The following UNC13C variants were observed in gnomAD, a reference collection of about 807,000 sequenced individuals.
UNC13C encodes unc-13 homolog C, also known as protein unc-13 homolog C.
In UNC13C, 174 loss-of-function variants were observed where a neutral mutation model predicts 245.4. The observed-to-expected ratio is 0.71, with a 90% CI of 0.63 to 0.80. UNC13C has a LOEUF of 0.80. Among genes scored for constraint, UNC13C ranks in the 30% least tolerant of loss-of-function variants. The probability of loss-of-function intolerance (pLI) is 0.00; values close to 1 mark genes in which losing one functional copy is unlikely to be tolerated. For missense variants in UNC13C, 2,829 were observed against 2,602.9 expected (o/e 1.09, Z -1.89); for synonymous variants, 992 against 895.1 (o/e 1.11, Z -1.93).
Position 54,015,176 on chromosome 15 carries a change from T to C in UNC13C, c.2273T>C (p.Met758Thr). ...TACCAAAATCAAAACCAGTTGTCCA[T>C]GATGTATCGAAGTCAAAGTGAATTG... The part of the protein sequence containing the change: ...ELYQNQNQLS[M>T]MYRSQSELQS... Residue 758 changes from methionine to threonine, a missense_variant, in exon 2 of 33, where the codon ATG becomes ACG. Transcript: ENST00000260323. 6.2e-7 allele frequency: 1 copy of C among 1,612,814 alleles called. No individual in the cohort carries two copies. Among genetic ancestry groups the C allele is most frequent in the South Asian group, 1.1e-5 (1 of 90,848 alleles).
intron 17 of UNC13C, among the ~76,000 whole-genome samples, chr15:54,392,829 T>A (rs2039985926): frequency 6.6e-6 from 1 of 151,864 alleles, no homozygotes; most frequent in Admixed American, 6.6e-5. Context: ...AAACCAATAT[T>A]TAAAAAGTGA....
At chr15:54,459,220 C>T (rs764880028) in intron 19 of UNC13C, among the ~76,000 whole-genome samples, 6 of 152,194 alleles carry the variant, frequency 3.9e-5, no homozygotes, top group Non-Finnish European at 4.4e-5. Flanking sequence ...GATAGGACCT[C>T]AGTCCCTTCT....
intron 2 of UNC13C, among the ~76,000 whole-genome samples, chr15:54,066,491 A>C (rs1435955966): frequency 6.6e-6 from 1 of 152,116 alleles, no homozygotes; most frequent in Non-Finnish European, 1.5e-5. Flanking sequence ...TCATCTGTGC[A>C]CTTATGTGAA....
intron 13 of UNC13C, among the ~76,000 whole-genome samples, chr15:54,302,106 A>T (rs1476601484): frequency 6.6e-6 from 1 of 152,040 alleles, no homozygotes; most frequent in Admixed American, 6.6e-5. Context: ...AAGTGTAAGT[A>T]CATATCCTTT....
chr15:54,438,980 T>C (rs181004686), intron 19 of UNC13C, among the ~76,000 whole-genome samples: 1 of 151,996 alleles, frequency 6.6e-6, no homozygotes, highest in African/African-American at 2.4e-5. Context: ...GTTTAACTTA[T>C]AAAGTTCTCA....
At chr15:54,043,427 T>C (rs1195244558) in intron 2 of UNC13C, among the ~76,000 whole-genome samples, 2 of 152,212 alleles carry the variant, frequency 1.3e-5, no homozygotes, top group African/African-American at 4.8e-5. Flanking sequence ...CAGTTCTCTT[T>C]TAGCAGCCGT....
At chr15:54,610,046 G>A (rs2141287110) in intron 30 of UNC13C, among the ~76,000 whole-genome samples, 1 of 152,134 alleles carries the variant, frequency 6.6e-6, no homozygotes, top group African/African-American at 2.4e-5. Flanking sequence ...GAGATTATGG[G>A]AACCGCAATT....
At chr15:54,392,052 G>C (rs1467615905) in intron 17 of UNC13C, among the ~76,000 whole-genome samples, 1 of 152,022 alleles carries the variant, frequency 6.6e-6, no homozygotes, top group Non-Finnish European at 1.5e-5. Flanking sequence ...GCCATAAGTT[G>C]ATGTTTTCAA....
chr15:54,218,120 A>G (rs1320550872), intron 4 of UNC13C, among the ~76,000 whole-genome samples: 1 of 151,998 alleles, frequency 6.6e-6, no homozygotes, highest in East Asian at 1.9e-4. Flanking sequence ...TTTATAGGGG[A>G]TATGACAGAA....
the UNC13C span, among the ~76,000 whole-genome samples, chr15:53,843,228 C>T: frequency 6.6e-6 from 1 of 152,084 alleles, no homozygotes; most frequent in Non-Finnish European, 1.5e-5. Flanking sequence ...TGCTTGAGTC[C>T]AGTGAGTTTG....
chr15:54,130,763 C>T (rs1298251248), intron 2 of UNC13C, among the ~76,000 whole-genome samples: 2 of 152,148 alleles, frequency 1.3e-5, no homozygotes, highest in Non-Finnish European at 2.9e-5. Context: ...TGTTTCTCCA[C>T]TTCCGTAGTT....
At chr15:54,359,506 T>G (rs2140860709) in intron 17 of UNC13C, among the ~76,000 whole-genome samples, 1 of 152,108 alleles carries the variant, frequency 6.6e-6, no homozygotes, top group Middle Eastern at 3.4e-3. Context: ...TATTATTGCC[T>G]CAGTCTTCTT....
intron 4 of UNC13C, among the ~76,000 whole-genome samples, chr15:54,196,659 G>A (rs767023603): frequency 2.6e-5 from 4 of 152,132 alleles, no homozygotes; most frequent in South Asian, 2.1e-4. Context: ...AGGCTTTCAA[G>A]TTTAACTTGA....
intron 4 of UNC13C, among the ~76,000 whole-genome samples, chr15:54,172,746 ATATATATATATATATCTT>A (rs2033462985): frequency 1.5e-5 from 1 of 66,730 alleles, no homozygotes; most frequent in Non-Finnish European, 2.8e-5. Context: ...ATATATATAT[ATATATATATATATATCTT>A]TACTCTATAG....
intron 28 of UNC13C, among the ~76,000 whole-genome samples, chr15:54,552,556 T>TA (rs1274442636): frequency 5.7e-5 from 1 of 17,432 alleles, no homozygotes; most frequent in Non-Finnish European, 1.1e-4. Flanking sequence ...ATATTGTATA[T>TA]AATTATATAT....
rs184711784 is a variant in UNC13C, at chr15:54,052,565, G to T, written c.2983+36679G>T. 2.7e-3 allele frequency among the ~76,000 whole-genome samples: 418 copies of T among 152,290 alleles called. 6 individuals are homozygous for T. Among genetic ancestry groups the T allele is most frequent in the East Asian group, 1.2e-3 (6 of 5,188 alleles). Reference sequence around the variant, plus strand: ...AAATTTTTGTTGGTATTTTACAGAGGTTGTAATAAACACATGGATTGAATG... The same window carrying T: ...AAATTTTTGTTGGTATTTTACAGAGTTTGTAATAAACACATGGATTGAATG... On this transcript the variant is annotated intron_variant, in intron 2 of 32. Transcript: ENST00000260323.
chr15:54,542,249 G>A (rs567718642), intron 26 of UNC13C, among the ~76,000 whole-genome samples: 10 of 152,042 alleles, frequency 6.6e-5, no homozygotes, highest in East Asian at 1.9e-4. Flanking sequence ...CCTTGATTTC[G>A]TTATTTACCC....
At chr15:54,203,849 C>T (rs554494170) in intron 4 of UNC13C, among the ~76,000 whole-genome samples, 19 of 94,458 alleles carry the variant, frequency 2.0e-4, no homozygotes, top group Middle Eastern at 4.5e-3. Context: ...TACATATACA[C>T]GTATATATAC....
At chr15:54,373,496 G>A (rs1313483432) in intron 17 of UNC13C, among the ~76,000 whole-genome samples, 1 of 152,134 alleles carries the variant, frequency 6.6e-6, no homozygotes, top group Admixed American at 6.5e-5. Context: ...GGCTGTGGTG[G>A]GGTAGGCAGC....
Sources: gnomAD v4.1 joint callset for allele counts (sites outside exome capture counted in the v4.1 genomes callset) on GRCh38, gnomAD v4.1.1 for gene constraint, MANE v1.5 for transcripts, NCBI Gene and HGNC (gene_info 2026-07-23, HGNC 2026-07-21) for gene names.